MARCHF8: variants seen among roughly 807,000 people sequenced by gnomAD.
MARCHF8 encodes the protein membrane associated ring-CH-type finger 8.
MARCHF8 carries 40 observed loss-of-function variants against 51.6 expected under a neutral mutation model. That is an observed-to-expected ratio of 0.77 (90% confidence interval 0.60 to 1.01). MARCHF8 has a LOEUF of 1.01. Among genes scored for constraint, MARCHF8 ranks in the 50% least tolerant of loss-of-function variants. The pLI, the probability that MARCHF8 is intolerant of heterozygous loss-of-function variation, is 0.00. For missense variants in MARCHF8, 685 were observed against 708.6 expected (o/e 0.97, Z 0.38); for synonymous variants, 263 against 280.3 (o/e 0.94, Z 0.62).
At position 45,463,422 on chromosome 10, in the gene MARCHF8, T is replaced by C; in HGVS notation, c.817A>G (p.Ser273Gly). Residue 273 changes from serine (S) to glycine (G), a missense_variant, in exon 5 of 8, where the codon AGC (serine) becomes GGC (glycine). By Grantham distance (56) the Ser-to-Gly change is moderately conservative (BLOSUM62 0). Transcript: ENST00000453424. ...FSLSHGLSAS[S>G]LHRFHELESC... ...TCCAGCTCATGGAACCTGTGCAGGC[T>C]GCTGGCGCTCAAGCCGTGCGAGAGT... The C allele has an allele frequency of 6.4e-7, 1 of 1,550,620 alleles. No homozygotes were observed. Among genetic ancestry groups the C allele is most frequent in the Non-Finnish European group, 8.7e-7 (1 of 1,146,980 alleles).
chr10:45,536,870 A>ATAG (rs1554817152), upstream of MARCHF8, among the ~76,000 whole-genome samples: 922 of 147,916 alleles, frequency 6.2e-3, 6 homozygotes, highest in African/African-American at 0.016. Context: ...AATAATAATA[A>ATAG]TAATAATAAT....
chr10:45,566,035 A>G (rs956681468), intron 1 of MARCHF8, among the ~76,000 whole-genome samples: 13 of 152,158 alleles, frequency 8.5e-5, no homozygotes, highest in African/African-American at 2.2e-4. Context: ...CAGGTGGCAC[A>G]TCGGCCCTAC....
chr10:45,491,367 G>A (rs10793617), intron 2 of MARCHF8, among the ~76,000 whole-genome samples: 67,711 of 151,908 alleles, frequency 0.45, 15,255 homozygotes, highest in East Asian at 0.61. Flanking sequence ...GTGAAACACC[G>A]TCTCTACTAA....
At chr10:45,545,534 A>T (rs990875403) in intron 1 of MARCHF8, among the ~76,000 whole-genome samples, 6 of 152,232 alleles carry the variant, frequency 3.9e-5, no homozygotes, top group Admixed American at 2.0e-4. Context: ...ACTTAGTTGA[A>T]AATTGAAATG....
rs1259281899 is a variant in MARCHF8 at position 45,463,802 on chromosome 10, G to A, written c.437C>T (p.Thr146Ile). Residue 146 changes from threonine (T) to isoleucine (I), a missense_variant, in exon 5 of 8, where the codon ACC becomes ATC. Coordinates refer to ENST00000453424, the MANE Select transcript of MARCHF8 (RefSeq NM_001282866.2). ...GAACTTTAGTGTTCTTCTGGCTTTG[G>A]TATTCTTAGCAGGCTTCAAGGCCTG... The part of the protein sequence containing the change: ...WAQALKPAKN[T>I]KARRTLKFSR... The A allele has an allele frequency of 6.5e-7, 1 of 1,549,872 alleles. No individual in the cohort carries two copies. The highest frequency in any genetic ancestry group is 2.4e-5 in the East Asian group (1 of 40,926).
At chr10:45,469,864 CAAAAAAAAAAAAAAAAAA>C (rs55832920) in intron 3 of MARCHF8, among the ~76,000 whole-genome samples, 1 of 57,028 alleles carries the variant, frequency 1.8e-5, no homozygotes, top group Non-Finnish European at 2.9e-5. Flanking sequence ...GACTCCGTCT[CAAAAAAAAAAAAAAAAAA>C]AAAAAAAAAA....
chr10:45,511,740 C>A (rs1011452004), intron 2 of MARCHF8, among the ~76,000 whole-genome samples: 20 of 152,110 alleles, frequency 1.3e-4, no homozygotes, highest in Non-Finnish European at 2.6e-4. Flanking sequence ...AGTGCAGTGG[C>A]GTGATCTCGG....
At chr10:45,568,337 T>C (rs1267359438) in intron 1 of MARCHF8, among the ~76,000 whole-genome samples, 2 of 152,208 alleles carry the variant, frequency 1.3e-5, no homozygotes, top group Non-Finnish European at 2.9e-5. Flanking sequence ...GTGGGCATCC[T>C]TGTCATATTC....
intron 2 of MARCHF8, among the ~76,000 whole-genome samples, chr10:45,524,517 C>T (rs1045283237): frequency 2.6e-5 from 4 of 152,162 alleles, no homozygotes; most frequent in Admixed American, 2.0e-4. Context: ...CAAGAAGCCA[C>T]GCAAATGATC....
chr10:45,571,747 A>G (rs888437579), intron 1 of MARCHF8, among the ~76,000 whole-genome samples: 1 of 151,342 alleles, frequency 6.6e-6, no homozygotes, highest in Non-Finnish European at 1.5e-5. Context: ...CTCTTCTCCA[A>G]CCTCTCTCAC....
intron 6 of MARCHF8, 87 bp downstream of exon 6, chr10:45,461,144 G>T: frequency 9.7e-7 from 1 of 1,032,618 alleles, no homozygotes. Context: ...ATGAACGCAG[G>T]CAAGCCATGA....
intron 1 of MARCHF8, among the ~76,000 whole-genome samples, chr10:45,551,786 ATCTC>A (rs1259949544): frequency 2.0e-5 from 3 of 152,012 alleles, no homozygotes; most frequent in South Asian, 4.2e-4. Flanking sequence ...CTTAAAATAA[ATCTC>A]TCTCTCCCAA....
intron 5 of MARCHF8, chr10:45,461,799 C>CA (rs11394256): frequency 0.23 from 35,955 of 155,780 alleles, 4,360 homozygotes; most frequent in Admixed American, 0.29. Flanking sequence ...TGCATTCCAA[C>CA]ATCCAAAAAT....
chr10:45,581,388 C>T (rs538294913), intron 1 of MARCHF8, among the ~76,000 whole-genome samples: 6 of 152,158 alleles, frequency 3.9e-5, no homozygotes, highest in Admixed American at 6.5e-5. Context: ...AGGAACAAGA[C>T]ACCCAGTGGT....
Position 45,463,868 on chromosome 10 carries a change from A to G in MARCHF8, c.371T>C (p.Leu124Ser). The change falls in exon 5 of 8, where the codon TTA becomes TCA. Residue 124 changes from leucine to serine, a missense_variant. Coordinates refer to ENST00000453424, the MANE Select transcript of MARCHF8 (RefSeq NM_001282866.2). ...AAAGGAATTTCTCTTTGACGCCTGTAATGTGTCCTTACAGATAACTGTCAC... is the reference window on the plus strand; with the variant it reads ...AAAGGAATTTCTCTTTGACGCCTGTGATGTGTCCTTACAGATAACTGTCAC... ...LTVTVICKDTLQASKRNSFGS... is the reference protein window; with the variant it reads ...LTVTVICKDTSQASKRNSFGS... 1 of 1,538,954 alleles carries G rather than the reference A, an allele frequency of 6.5e-7. No homozygotes were observed. Among genetic ancestry groups the G allele is most frequent in the South Asian group, 1.2e-5 (1 of 84,062 alleles).
chr10:45,524,831 C>T (rs1052497608), intron 2 of MARCHF8, among the ~76,000 whole-genome samples: 3 of 152,076 alleles, frequency 2.0e-5, no homozygotes, highest in Non-Finnish European at 4.4e-5. Flanking sequence ...ACAAAACAAC[C>T]GCCTTTCGAA....
At chr10:45,556,544 A>C (rs1377153669) in intron 1 of MARCHF8, among the ~76,000 whole-genome samples, 1 of 152,168 alleles carries the variant, frequency 6.6e-6, no homozygotes, top group Admixed American at 6.5e-5. Context: ...AATTCTCCAT[A>C]ATAAAAGTTT....
intron 3 of MARCHF8, among the ~76,000 whole-genome samples, chr10:45,487,160 T>C (rs2042996340): frequency 6.6e-6 from 1 of 152,110 alleles, no homozygotes; most frequent in Admixed American, 6.5e-5. Flanking sequence ...GATGTCCTTT[T>C]TCAAAATCAC....
intron 1 of MARCHF8, among the ~76,000 whole-genome samples, chr10:45,592,952 T>C (rs557893574): frequency 1.6e-4 from 24 of 152,320 alleles, no homozygotes; most frequent in Admixed American, 1.4e-3. Flanking sequence ...GAAATTCATA[T>C]CAACTAGGCA....
Sources: gnomAD v4.1 joint callset for allele counts (sites outside exome capture counted in the v4.1 genomes callset) on GRCh38, gnomAD v4.1.1 for gene constraint, MANE v1.5 for transcripts, NCBI Gene and HGNC (gene_info 2026-07-23, HGNC 2026-07-21) for gene names.